The following ERMP1 variants were observed in gnomAD, a reference collection of about 807,000 sequenced individuals.
The protein encoded by ERMP1 is Felix-ina.
Under a neutral mutation model 92.0 loss-of-function variants are expected in ERMP1, and 86 were observed. That is an observed-to-expected ratio of 0.93 (90% confidence interval 0.79 to 1.12). The LOEUF is 1.12. Among genes scored for constraint, ERMP1 ranks in the 50% most tolerant of loss-of-function variants. ERMP1 has a pLI of 0.00. For synonymous variants in ERMP1, 530 were observed against 412.8 expected, an observed-to-expected ratio of 1.28 and a Z score of -3.44; for missense variants, 1,342 against 1,116.3, an observed-to-expected ratio of 1.20 and a Z score of -2.88.
intron 10 of ERMP1, among the ~76,000 whole-genome samples, chr9:5,804,336 G>T (rs1043308071): frequency 3.3e-5 from 5 of 152,082 alleles, no homozygotes; most frequent in African/African-American, 1.2e-4. Context: ...TCTGCTCAAG[G>T]GGGGTCTGGT....
intron 8 of ERMP1, among the ~76,000 whole-genome samples, chr9:5,806,451 A>G (rs1828873934): frequency 2.0e-5 from 3 of 148,528 alleles, no homozygotes; most frequent in South Asian, 2.1e-4. Context: ...TTTTTGAGAC[A>G]GGTTCTCGCT....
intron 6 of ERMP1, among the ~76,000 whole-genome samples, chr9:5,846,523 A>G (rs543642191): frequency 3.0e-4 from 45 of 152,340 alleles, no homozygotes; most frequent in Non-Finnish European, 4.6e-4. Flanking sequence ...GTACTTTGCA[A>G]TGTAACCTGT....
intron 11 of ERMP1, among the ~76,000 whole-genome samples, chr9:5,799,735 G>A (rs1385979443): frequency 6.6e-6 from 1 of 152,088 alleles, no homozygotes; most frequent in Non-Finnish European, 1.5e-5. Context: ...GTCCTTTACA[G>A]GAAAAGTTTG....
chr9:5,846,365 G>A (rs1393172781), intron 6 of ERMP1, among the ~76,000 whole-genome samples: 1 of 152,152 alleles, frequency 6.6e-6, no homozygotes, highest in Non-Finnish European at 1.5e-5. Flanking sequence ...CTAATTTGCT[G>A]TGTGACCTTA....
At chr9:5,853,489 T>C (rs1830334573) in intron 6 of ERMP1, among the ~76,000 whole-genome samples, 1 of 152,112 alleles carries the variant, frequency 6.6e-6, no homozygotes, top group South Asian at 2.1e-4. Context: ...TAAGAAACTA[T>C]GCTCTGTTGG....
At chr9:5,798,216 A>T (rs575551329) in intron 12 of ERMP1, among the ~76,000 whole-genome samples, 111 of 148,358 alleles carry the variant, frequency 7.5e-4, no homozygotes, top group African/African-American at 2.6e-3. Flanking sequence ...AGAGAAAACA[A>T]TTTTTTTTTT....
chr9:5,841,618 T>C (rs1830164389), intron 6 of ERMP1, among the ~76,000 whole-genome samples: 1 of 152,120 alleles, frequency 6.6e-6, no homozygotes, highest in South Asian at 2.1e-4. Flanking sequence ...GCCAACATAG[T>C]GAAACCTGTC....
At chr9:5,790,059 C>T (rs534522458) in intron 13 of ERMP1, among the ~76,000 whole-genome samples, 3 of 150,916 alleles carry the variant, frequency 2.0e-5, no homozygotes, top group Non-Finnish European at 4.4e-5. Flanking sequence ...GACAAATATA[C>T]AAATGTTACA....
intron 6 of ERMP1, among the ~76,000 whole-genome samples, chr9:5,839,110 C>T (rs764581620): frequency 3.9e-5 from 6 of 152,116 alleles, no homozygotes; most frequent in Admixed American, 6.6e-5. Context: ...GAGGGGAATG[C>T]AATGTCAAAA....
At position 5,833,012 on chromosome 9, in the gene ERMP1, C is replaced by T; in HGVS notation, c.16G>A (p.Glu6Lys). The T allele has an allele frequency of 1.3e-6, 2 of 1,547,730 alleles. No individual in the cohort carries two copies. Among genetic ancestry groups the T allele is most frequent in the Non-Finnish European group, 1.7e-6 (2 of 1,157,590 alleles). MEWGS[E>K]SAAVRRHRVG... ...CGGTGCCGCCTCACAGCAGCCGACT[C>T]AGAACCCCACTCCATGGCCACGAGC... Residue 6 changes from glutamate (E) to lysine (K), a missense_variant, in exon 1 of 15, where the codon GAG becomes AAG. By Grantham distance (56) the Glu-to-Lys change is moderately conservative. Transcript: ENST00000339450.
rs1827928701 is a variant in ERMP1, at chr9:5,786,175, G to A, written c.*969C>T. ...AAAGATAGGCCCAGTGCATCAGTAA[G>A]ATTATACCATGAAGGACTAACCTTG... is the stretch of plus-strand genomic sequence containing the variant. On this transcript the variant is annotated 3_prime_UTR_variant, in exon 15 of 15. Coordinates refer to ENST00000339450, the MANE Select transcript of ERMP1 (RefSeq NM_024896.3). The A allele has an allele frequency of 6.6e-6, 1 of 152,172 alleles. No individual in the cohort carries two copies. Among genetic ancestry groups the A allele is most frequent in the Non-Finnish European group, 1.5e-5 (1 of 68,038 alleles). The allele number at this position is 152,172 out of a possible 1,614,324, so 9.4% of individuals were successfully genotyped here.
At chr9:5,818,277 C>T (rs1449596892) in intron 4 of ERMP1, among the ~76,000 whole-genome samples, 3 of 151,808 alleles carry the variant, frequency 2.0e-5, no homozygotes, top group Admixed American at 6.6e-5. Flanking sequence ...AAGTGGTTTT[C>T]TTTAAAATGG....
In ERMP1 at chr9:5,825,216, G is replaced by A; in HGVS notation, c.644C>T (p.Ala215Val). Residue 215 changes from alanine (A) to valine (V), a missense_variant, in exon 3 of 15, where the codon GCC becomes GTC. Ala to Val is a moderately conservative substitution (Grantham distance 64, BLOSUM62 0). Transcript: ENST00000339450. ...HFDSVANSPG[A>V]SDDAVSCSVM... ...TGAGCAGCTAACTGCATCATCACTGGCACCTTCAAATCAGAAAAACAAATT... is the reference window on the plus strand; with the variant it reads ...TGAGCAGCTAACTGCATCATCACTGACACCTTCAAATCAGAAAAACAAATT... 1 of 1,608,846 alleles carries A rather than the reference G, an allele frequency of 6.2e-7. No individual in the cohort carries two copies. The highest frequency in any genetic ancestry group is 1.1e-5 in the South Asian group (1 of 89,612).
rs535283650 is a variant in ERMP1, at chr9:5,826,215, A to T, written c.641-996T>A. 9.2e-5 allele frequency among the ~76,000 whole-genome samples: 14 copies of T among 152,326 alleles called. No homozygotes were observed. The South Asian group carries it at 2.9e-3, about 32-fold the overall frequency. On this transcript the variant is annotated intron_variant, in intron 2 of 14. Coordinates refer to ENST00000339450, the MANE Select transcript of ERMP1 (RefSeq NM_024896.3). ...AATTCTGCTTTTGAATATATTTGAA[A>T]CTTTCCATATCAGAAAACTTAAAGA...
intron 13 of ERMP1, chr9:5,791,111 G>C: frequency 4.9e-6 from 2 of 404,938 alleles, no homozygotes; most frequent in Admixed American, 5.1e-5. Context: ...AACAGCTGCA[G>C]GAACAGTTGA....
intron 5 of ERMP1, among the ~76,000 whole-genome samples, chr9:5,861,717 GTTTTTTTTTTTTTTT>G (rs34804675): frequency 6.0e-5 from 4 of 66,228 alleles, no homozygotes; most frequent in Non-Finnish European, 7.9e-5. Flanking sequence ...GAGAGGAAGG[GTTTTTTTTTTTTTTT>G]TTTTTTTTTG....
rs759068599 is a variant in ERMP1 at position 5,812,114 on chromosome 9, G to A, written c.1114+11C>T. 2 of 1,548,196 alleles carry A rather than the reference G, an allele frequency of 1.3e-6. No individual in the cohort carries two copies. The highest frequency in any genetic ancestry group is 1.8e-6 in the Non-Finnish European group (2 of 1,130,118). On this transcript the variant is annotated intron_variant, in intron 6 of 14. Coordinates refer to ENST00000339450, the MANE Select transcript of ERMP1 (RefSeq NM_024896.3). Reference sequence around the variant, plus strand: ...TTAGTGTATATCAAAAGTCTAAATTGGAATACCAACCTGCTCTCTGAATGG... The same window carrying A: ...TTAGTGTATATCAAAAGTCTAAATTAGAATACCAACCTGCTCTCTGAATGG...
At chr9:5,824,241 C>A (rs1829650882) in intron 3 of ERMP1, among the ~76,000 whole-genome samples, 1 of 152,120 alleles carries the variant, frequency 6.6e-6, no homozygotes, top group Admixed American at 6.5e-5. Context: ...TCAGCGGTGC[C>A]AAACAACATC....
At chr9:5,836,907 G>C (rs886918378), upstream of ERMP1, among the ~76,000 whole-genome samples, 38 of 152,154 alleles carry the variant, frequency 2.5e-4, no homozygotes, top group Non-Finnish European at 1.0e-4. Flanking sequence ...CCTAGGGAGA[G>C]GGTAATTGCA....
Sources: allele counts gnomAD v4.1 joint callset (sites outside exome capture counted in the v4.1 genomes callset), GRCh38; gene constraint gnomAD v4.1.1; transcripts MANE v1.5; gene names NCBI Gene and HGNC (gene_info 2026-07-23, HGNC 2026-07-21).